INTS1: variants seen among roughly 807,000 people sequenced by gnomAD.
INTS1 encodes integrator complex subunit 1.
Under a neutral mutation model 241.6 loss-of-function variants are expected in INTS1, and 137 were observed. That is an observed-to-expected ratio of 0.57 (90% CI 0.49 to 0.65). The LOEUF (loss-of-function observed/expected upper bound fraction) is 0.65, where lower values mean the gene tolerates loss of function less well. Ranked by LOEUF, INTS1 falls within the 30% of genes least tolerant of loss-of-function variation. INTS1 has a pLI of 0.00. For synonymous variants in INTS1, 1,692 were observed against 1,337.8 expected, an observed-to-expected ratio of 1.26 and a Z score of -5.78; for missense variants, 3,073 against 3,032.2, an observed-to-expected ratio of 1.01 and a Z score of -0.32.
chr7:1,498,352 C>T lies in INTS1; in HGVS notation c.1425+60G>A, dbSNP rs576341530. The T allele has an allele frequency of 6.9e-6, 11 of 1,597,916 alleles. No homozygotes were observed. In the African/African-American group the frequency reaches 9.4e-5, roughly 14 times the overall value. Reference sequence around the variant, plus strand: ...CCGGCCTCCCCAGACGCCACGTGCCCCTCCAGCCCAGAGCCCCATATTCCG... The same window carrying T: ...CCGGCCTCCCCAGACGCCACGTGCCTCTCCAGCCCAGAGCCCCATATTCCG... On this transcript the variant is annotated intron_variant, in intron 10 of 47. Coordinates refer to ENST00000404767, the MANE Select transcript of INTS1 (RefSeq NM_001080453.3).
In INTS1 at chr7:1,476,065, C is replaced by T. The variant is rs901180977; in HGVS notation, c.5385G>A (p.Leu1795=). 7.8e-6 allele frequency: 12 copies of T among 1,543,012 alleles called. No homozygotes were observed. In the Admixed American group the frequency reaches 1.8e-4, roughly 23 times the overall value. ...GGAGAAGGTCTCGGCAGCGCCTGCC[C>T]AGCACGCTGGAAGAGGTGGAGCAGG... ...GCIQQWGDSV[L]GRRCRDLLLQ... is the part of the protein sequence containing the mutation. The change falls in exon 39 of 48, where the codon CTG becomes CTA. Residue 1795 remains leucine, a synonymous_variant. Coordinates refer to ENST00000404767, the MANE Select transcript of INTS1 (RefSeq NM_001080453.3).
intron 16 of INTS1, among the ~76,000 whole-genome samples, chr7:1,491,812 C>G (rs1362871866): frequency 1.3e-5 from 2 of 152,192 alleles, no homozygotes; most frequent in African/African-American, 4.8e-5. Context: ...GCGGGAGGAC[C>G]GCTTGAGCCA....
chr7:1,500,287 G>C lies in INTS1; in HGVS notation c.429C>G (p.Cys143Trp). 1 of 1,595,394 alleles carries C rather than the reference G, an allele frequency of 6.3e-7. No individual in the cohort carries two copies. The highest frequency in any genetic ancestry group is 1.1e-5 in the South Asian group (1 of 88,392). Reference sequence around the variant, plus strand: ...TGACCTTCAGCTGCTTCACGGCCCCGCACAGCACGCCCTCGATCCTGTCAT... The same window carrying C: ...TGACCTTCAGCTGCTTCACGGCCCCCCACAGCACGCCCTCGATCCTGTCAT... ...GNDDRIEGVL[C>W]GAVKQLKVTR... is the part of the protein sequence containing the mutation. Residue 143 changes from cysteine to tryptophan, a missense_variant, in exon 4 of 48, where the codon TGC (cysteine) becomes TGG (tryptophan). Coordinates refer to ENST00000404767, the MANE Select transcript of INTS1 (RefSeq NM_001080453.3).
intron 16 of INTS1, 108 bp downstream of exon 16, chr7:1,492,902 G>A: frequency 1.5e-6 from 1 of 653,076 alleles, no homozygotes; most frequent in Non-Finnish European, 2.6e-6. Context: ...CGGGGCGCAG[G>A]CTTACCCGGG....
chr7:1,501,008 G>A (rs192198739), intron 3 of INTS1: 4 of 152,382 alleles, frequency 2.6e-5, no homozygotes, highest in African/African-American at 9.6e-5. Flanking sequence ...CAAACGGCCA[G>A]GTGCAGTGGC....
At position 1,470,648 on chromosome 7, in the gene INTS1, A is replaced by G. The variant is rs1162668278; in HGVS notation, c.6502T>C (p.Tyr2168His). ...LLHRAFLVGM[Y>H]GQMDPSAQIS... ...TGCGCGCTGGGGTCCATCTGGCCGT[A>G]CATGCCCACCAGGAAGGCCCGGTGG... The change falls in exon 48 of 48, where the codon TAC becomes CAC. Residue 2168 changes from tyrosine (Y) to histidine (H), a missense_variant. Tyr to His is a moderately conservative substitution (Grantham distance 83). Coordinates refer to ENST00000404767, the MANE Select transcript of INTS1 (RefSeq NM_001080453.3). The G allele has an allele frequency of 6.3e-7, 1 of 1,586,836 alleles. No homozygotes were observed. The highest frequency in any genetic ancestry group is 1.8e-5 in the Admixed American group (1 of 57,130).
intron 22 of INTS1, 119 bp downstream of exon 22, chr7:1,486,506 C>T: frequency 8.8e-7 from 1 of 1,140,938 alleles, no homozygotes; most frequent in South Asian, 1.6e-5. Flanking sequence ...CTCAGGTAAT[C>T]TGCCTGCCTT....
intron 2 of INTS1, 64 bp downstream of exon 2, chr7:1,503,839 A>T: frequency 8.1e-7 from 1 of 1,229,922 alleles, no homozygotes; most frequent in Non-Finnish European, 1.1e-6. Context: ...GGCAGCTGAG[A>T]TCCCCAAAGA....
rs774009840 is a variant in INTS1 at position 1,487,434 on chromosome 7, C to A, written c.2532G>T (p.Arg844Ser). The change falls in exon 20 of 48, where the codon AGG becomes AGT. Residue 844 changes from arginine to serine, a missense_variant. Physicochemically the swap from Arg to Ser is moderately radical, Grantham distance 110. Coordinates refer to ENST00000404767, the MANE Select transcript of INTS1 (RefSeq NM_001080453.3). ...CTTGATCCAGGATGTGAGGGGGAGG[C>A]CTCCGGGGGGGCCCCCTGAGGGCCA... ...TSLDPQGPPR[R>S]PPPHILDQVK... is the part of the protein sequence containing the mutation. The A allele has an allele frequency of 3.1e-6, 5 of 1,611,454 alleles. 1 individual carries two copies. The highest frequency in any genetic ancestry group is 1.8e-4 in the Middle Eastern group (1 of 5,704).
At position 1,495,307 on chromosome 7, in the gene INTS1, G is replaced by A. The variant is rs1051463414; in HGVS notation, c.1832+126C>T. The A allele has an allele frequency of 7.0e-5, 80 of 1,149,088 alleles. 1 individual carries two copies. Among genetic ancestry groups the A allele is most frequent in the South Asian group, 4.8e-4 (30 of 62,788 alleles). 71.2% of individuals were successfully genotyped at this position (1,149,088 alleles called of 1,614,324 possible). On this transcript the variant is annotated intron_variant, in intron 13 of 47. Coordinates refer to ENST00000404767, the MANE Select transcript of INTS1 (RefSeq NM_001080453.3). ...TTGTCCCGGCTTAGTGGGGTGTGGG[G>A]CAGGGGCTGTGCGGGGCCTGGCTTG...
intron 23 of INTS1, 43 bp downstream of exon 23, chr7:1,485,247 C>G: frequency 6.3e-7 from 1 of 1,597,286 alleles, no homozygotes; most frequent in South Asian, 1.1e-5. Flanking sequence ...AGGGCTGCGG[C>G]CCTCTCATCT....
Position 1,502,988 on chromosome 7 carries a change from C to A in INTS1, c.262G>T (p.Ala88Ser). ...PKLSSTPPLS[A>S]LGRLAEAAVA... ...GCAGCCTCAGCCAGGCGCCCCAGGG[C>A]ACTCAGAGGGGGTGTGGAGGAGAGT... Residue 88 changes from alanine to serine, a missense_variant, in exon 3 of 48, where the codon GCC (alanine) becomes TCC (serine). By Grantham distance (99) the Ala-to-Ser change is moderately conservative (BLOSUM62 1). Coordinates refer to ENST00000404767, the MANE Select transcript of INTS1 (RefSeq NM_001080453.3). 6.2e-7 allele frequency: 1 copy of A among 1,613,818 alleles called. No homozygotes were observed. Among genetic ancestry groups the A allele is most frequent in the Non-Finnish European group, 8.5e-7 (1 of 1,179,882 alleles).
At chr7:1,502,354 G>A (rs1285204742) in intron 3 of INTS1, among the ~76,000 whole-genome samples, 1 of 152,096 alleles carries the variant, frequency 6.6e-6, no homozygotes, top group Non-Finnish European at 1.5e-5. Flanking sequence ...GGCGATTCTA[G>A]GCACACAGTT....
At position 1,486,641 on chromosome 7, in the gene INTS1, C is replaced by A. The variant is rs764594408; in HGVS notation, c.2960G>T (p.Arg987Leu). ...CCACCTCACCTTCATGGCCAGCACG[C>A]GGGAGGCCACCTGGGAGGAGCCGAG... ...RRLGSSQVAS[R>L]VLAMKGLSLV... The change falls in exon 22 of 48, where the codon CGC becomes CTC. Residue 987 changes from arginine to leucine, a missense_variant. Arg to Leu is a moderately radical substitution (Grantham distance 102, BLOSUM62 -2). Transcript: ENST00000404767. The A allele has an allele frequency of 1.2e-6, 2 of 1,611,612 alleles. No homozygotes were observed. Among genetic ancestry groups the A allele is most frequent in the Non-Finnish European group, 8.5e-7 (1 of 1,179,438 alleles).
chr7:1,474,737 C>CT lies in INTS1; in HGVS notation c.5603dup (p.Leu1869AlafsTer97). On this transcript the variant is annotated frameshift_variant, in exon 40 of 48. Coordinates refer to ENST00000404767, the MANE Select transcript of INTS1 (RefSeq NM_001080453.3). LOFTEE classifies it high-confidence loss of function. ...GCAGCAGCGGGTGCGCCACCGCCAG[C>CT]TTCCGGCAGGCCATGCTGGCATCCG... 1 of 1,563,386 alleles carries CT rather than the reference C, an allele frequency of 6.4e-7. No homozygotes were observed. Among genetic ancestry groups the CT allele is most frequent in the Non-Finnish European group, 8.7e-7 (1 of 1,155,962 alleles).
Position 1,496,150 on chromosome 7 carries a change from C to T in INTS1, c.1711+6G>A, listed in dbSNP as rs1487106609. On this transcript the variant is annotated splice_donor_region_variant and intron_variant, in intron 12 of 47. Coordinates refer to ENST00000404767, the MANE Select transcript of INTS1 (RefSeq NM_001080453.3). ...AAGCAGGGCCAGGCCACCCCCACATCCTTACTCCTCTTTTCTCCTTTGTCC... is the reference window on the plus strand; with the variant it reads ...AAGCAGGGCCAGGCCACCCCCACATTCTTACTCCTCTTTTCTCCTTTGTCC... 1 of 1,612,478 alleles carries T rather than the reference C, an allele frequency of 6.2e-7. No individual in the cohort carries two copies. Among genetic ancestry groups the T allele is most frequent in the Admixed American group, 1.7e-5 (1 of 60,014 alleles).
chr7:1,502,921 G>T lies in INTS1; in HGVS notation c.329C>A (p.Pro110Gln). The change falls in exon 3 of 48, where the codon CCA becomes CAA. Residue 110 changes from proline (P) to glutamine (Q), a missense_variant. Physicochemically the swap from Pro to Gln is moderately conservative, Grantham distance 76. Coordinates refer to ENST00000404767, the MANE Select transcript of INTS1 (RefSeq NM_001080453.3). Reference protein sequence around the residue: ...KRAISPSIKEPSVVPIEVLPT... With the variant: ...KRAISPSIKEQSVVPIEVLPT... ...ATTACCTTCAATTGGCACCACAGAT[G>T]GCTCTTTAATCGACGGAGAAATGGC... The T allele has an allele frequency of 6.2e-7, 1 of 1,613,894 alleles. No homozygotes were observed.
rs1460334035 is a variant in INTS1 at position 1,477,773 on chromosome 7, C to A, written c.4794G>T (p.Lys1598Asn). 6.2e-7 allele frequency: 1 copy of A among 1,612,436 alleles called. No homozygotes were observed. Among genetic ancestry groups the A allele is most frequent in the African/African-American group, 1.3e-5 (1 of 75,064 alleles). The change falls in exon 34 of 48, where the codon AAG becomes AAT. Residue 1598 changes from lysine to asparagine, a missense_variant. Lys to Asn is a moderately conservative substitution (Grantham distance 94). Transcript: ENST00000404767. Reference sequence around the variant, plus strand: ...CTCACCTGCCACCGTCCGCACCCGGCTTCCCCCCAGCCAGGGGCTCCTCCT... The same window carrying A: ...CTCACCTGCCACCGTCCGCACCCGGATTCCCCCCAGCCAGGGGCTCCTCCT... ...LQEEEPLAGG[K>N]PGADGGSLEA...
Position 1,498,820 on chromosome 7 carries a change from G to A in INTS1, c.1170C>T (p.Ser390=), listed in dbSNP as rs372632084. ...LTRPAQDLLM[S]VCMNCNTHGS... ...CGTGCGTGTTGCAGTTCATGCAGAC[G>A]GACATCAGCAGGTCCTGGGCCGGCC... Residue 390 remains serine (S), a synonymous_variant, in exon 9 of 48, where the codon TCC becomes TCT. Coordinates refer to ENST00000404767, the MANE Select transcript of INTS1 (RefSeq NM_001080453.3). 46 of 1,606,030 alleles carry A rather than the reference G, an allele frequency of 2.9e-5. No homozygotes were observed. The highest frequency in any genetic ancestry group is 4.5e-5 in the East Asian group (2 of 44,566).
Sources: allele counts gnomAD v4.1 joint callset (sites outside exome capture counted in the v4.1 genomes callset), GRCh38; gene constraint gnomAD v4.1.1; transcripts MANE v1.5; gene names NCBI Gene and HGNC (gene_info 2026-07-23, HGNC 2026-07-21).